Variants in PTCD2 observed in about 807,000 individuals in gnomAD.
PTCD2 encodes the protein pentatricopeptide repeat-containing protein 2, mitochondrial.
Under a neutral mutation model 42.6 loss-of-function variants are expected in PTCD2, and 31 were observed. The observed-to-expected ratio is 0.73, with a 90% CI of 0.55 to 0.98. PTCD2 has a LOEUF of 0.98. PTCD2 is among the 50% of genes least tolerant of loss of function. The pLI, the probability that PTCD2 is intolerant of heterozygous loss-of-function variation, is 0.00. For missense variants in PTCD2, 476 were observed against 454.8 expected, an observed-to-expected ratio of 1.05 and a Z score of -0.42; for synonymous variants, 183 against 170.9, an observed-to-expected ratio of 1.07 and a Z score of -0.55.
chr5:72,332,756 C>T (rs902938004), intron 4 of PTCD2, among the ~76,000 whole-genome samples: 8 of 152,084 alleles, frequency 5.3e-5, no homozygotes, highest in Non-Finnish European at 7.3e-5. Flanking sequence ...TGCTTCTAGC[C>T]GAACTTCTCT....
At chr5:72,326,043 T>A (rs1330938475) in intron 2 of PTCD2, among the ~76,000 whole-genome samples, 1 of 152,166 alleles carries the variant, frequency 6.6e-6, no homozygotes, top group Non-Finnish European at 1.5e-5. Flanking sequence ...TACTTTGGCA[T>A]GCCTTCTAAC....
intron 4 of PTCD2, among the ~76,000 whole-genome samples, chr5:72,334,033 A>G (rs939887244): frequency 6.6e-6 from 1 of 151,720 alleles, no homozygotes; most frequent in Non-Finnish European, 1.5e-5. Flanking sequence ...AATTTTTTAA[A>G]TTTTTATTAT....
chr5:72,327,660 A>G (rs1751219024), intron 3 of PTCD2, among the ~76,000 whole-genome samples: 1 of 151,808 alleles, frequency 6.6e-6, no homozygotes, highest in Non-Finnish European at 1.5e-5. Flanking sequence ...TTTAGTAGAG[A>G]GTGGGTTTTG....
intron 3 of PTCD2, among the ~76,000 whole-genome samples, chr5:72,330,423 T>C (rs1751385455): frequency 6.6e-6 from 1 of 152,180 alleles, no homozygotes; most frequent in Non-Finnish European, 1.5e-5. Flanking sequence ...CCCAAGGTAT[T>C]TTAGATTCAC....
chr5:72,355,883 A>C (rs1177056811), intron 9 of PTCD2, among the ~76,000 whole-genome samples: 1 of 152,128 alleles, frequency 6.6e-6, no homozygotes, highest in Non-Finnish European at 1.5e-5. Context: ...TCCAGGCTGA[A>C]GGCTGAGACA....
At chr5:72,335,921 G>A (rs933822220) in intron 6 of PTCD2, 36 bp downstream of exon 6, 2 of 1,302,616 alleles carry the variant, frequency 1.5e-6, no homozygotes, top group Admixed American at 1.7e-5. Context: ...AGAGCATTGT[G>A]TGTAGTCTTT....
At chr5:72,337,230 C>T (rs1003212740) in intron 6 of PTCD2, among the ~76,000 whole-genome samples, 1 of 152,094 alleles carries the variant, frequency 6.6e-6, no homozygotes, top group African/African-American at 2.4e-5. Context: ...CATGTGATCT[C>T]TGCCCCATAT....
chr5:72,338,527 C>A, intron 6 of PTCD2, 95 bp from the exon 7 acceptor site: 1 of 531,446 alleles, frequency 1.9e-6, no homozygotes. Context: ...TCTAGGAAAT[C>A]CTTACAAAAG....
In PTCD2 at chr5:72,331,502, CA is replaced by C. The variant is rs1434931042; in HGVS notation, c.468+128del. The C allele has an allele frequency of 4.2e-6, 3 of 718,812 alleles. No individual in the cohort carries two copies. In the Admixed American group the frequency reaches 6.1e-5, roughly 15 times the overall value. 44.5% of individuals were successfully genotyped at this position (718,812 alleles called of 1,614,324 possible). ...AGAAAGGCTGCTGGGGCTGAATGAGCACATCTCTGCATTTTTAAGTTTCCTT... is the reference window on the plus strand; with the variant it reads ...AGAAAGGCTGCTGGGGCTGAATGAGCCATCTCTGCATTTTTAAGTTTCCTT... On this transcript the variant is annotated intron_variant, in intron 4 of 9. Coordinates refer to ENST00000380639, the MANE Select transcript of PTCD2 (RefSeq NM_024754.5).
intron 9 of PTCD2, among the ~76,000 whole-genome samples, chr5:72,355,704 A>G (rs537036829): frequency 6.6e-6 from 1 of 152,334 alleles, no homozygotes; most frequent in Admixed American, 6.5e-5. Context: ...TGTATCTCTC[A>G]TAGCATGTAA....
At chr5:72,320,548 G>A in intron 1 of PTCD2, 39 bp downstream of exon 1, 1 of 1,610,756 alleles carries the variant, frequency 6.2e-7, no homozygotes, top group South Asian at 1.1e-5. Context: ...GGGGAGGGAT[G>A]GGAGAGAAGG....
Position 72,320,427 on chromosome 5 carries a change from A to T in PTCD2, c.45A>T (p.Arg15=). ...SMAAAFRPSN[R]VLLQALQILV... ...CTGCTGCATTTCGGCCCTCGAATCG[A>T]GTTCTCCTGCAGGCGCTGCAGATTT... The change falls in exon 1 of 10, where the codon CGA becomes CGT. Residue 15 remains arginine (R), a synonymous_variant. Coordinates refer to ENST00000380639, the MANE Select transcript of PTCD2 (RefSeq NM_024754.5). 6.2e-7 allele frequency: 1 copy of T among 1,613,844 alleles called. No homozygotes were observed. Among genetic ancestry groups the T allele is most frequent in the Non-Finnish European group, 8.5e-7 (1 of 1,179,990 alleles).
rs529128747 is a variant in PTCD2 at position 72,329,085 on chromosome 5, T to C, written c.351-2173T>C. Among the ~76,000 whole-genome samples the C allele has an allele frequency of 3.3e-5, 5 of 152,392 alleles. No individual in the cohort carries two copies. The East Asian group carries it at 9.6e-4, about 29-fold the overall frequency. On this transcript the variant is annotated intron_variant, in intron 3 of 9. Coordinates refer to ENST00000380639, the MANE Select transcript of PTCD2 (RefSeq NM_024754.5). ...CCTCTCATTTTACTACACAAAGCTATTCAATGTTTATAAGAGTAGTAAAAT... is the reference window on the plus strand; with the variant it reads ...CCTCTCATTTTACTACACAAAGCTACTCAATGTTTATAAGAGTAGTAAAAT...
chr5:72,327,924 TTTTG>T (rs1263653295), intron 3 of PTCD2, among the ~76,000 whole-genome samples: 2 of 152,242 alleles, frequency 1.3e-5, no homozygotes, highest in African/African-American at 2.4e-5. Context: ...ATTATGTATT[TTTTG>T]TTTATCTAAA....
rs1751649245 is a variant in PTCD2, at chr5:72,334,955, A to G, written c.469-63A>G. The G allele has an allele frequency of 3.0e-6, 3 of 1,013,196 alleles. No individual in the cohort carries two copies. The East Asian group carries it at 7.2e-5, about 24-fold the overall frequency. The allele number at this position is 1,013,196 out of a possible 1,614,324, so 62.8% of individuals were successfully genotyped here. A position where few individuals can be genotyped will look rare whatever the true frequency, so the allele number is the denominator to read the frequency against. On this transcript the variant is annotated intron_variant, in intron 4 of 9. Coordinates refer to ENST00000380639, the MANE Select transcript of PTCD2 (RefSeq NM_024754.5). ...AAGACCTGGCTAGATAAGAGACAGT[A>G]AAAGTACCTCCTCAATAAATAGTTT...
At chr5:72,341,953 G>A (rs1380154367) in intron 7 of PTCD2, among the ~76,000 whole-genome samples, 2 of 151,982 alleles carry the variant, frequency 1.3e-5, no homozygotes, top group African/African-American at 4.8e-5. Flanking sequence ...GCTGAGGCAG[G>A]AGAATGGCGT....
chr5:72,325,539 C>G (rs1751092057), intron 2 of PTCD2, among the ~76,000 whole-genome samples: 1 of 152,234 alleles, frequency 6.6e-6, no homozygotes, highest in South Asian at 2.1e-4. Context: ...GCTTAGATTT[C>G]AGCCCAGGTC....
chr5:72,344,866 A>T (rs1259941932), intron 8 of PTCD2, among the ~76,000 whole-genome samples: 3 of 152,180 alleles, frequency 2.0e-5, no homozygotes, highest in Admixed American at 6.5e-5. Flanking sequence ...CACAGAGATC[A>T]CGTGCTTCAC....
At chr5:72,334,823 A>G (rs1751642513) in intron 4 of PTCD2, among the ~76,000 whole-genome samples, 195 bp from the exon 5 acceptor site, 1 of 152,192 alleles carries the variant, frequency 6.6e-6, no homozygotes, top group African/African-American at 2.4e-5. Flanking sequence ...TGCTGAGATT[A>G]TAGGCGTGAG....
Sources: allele counts gnomAD v4.1 joint callset (sites outside exome capture counted in the v4.1 genomes callset), GRCh38; gene constraint gnomAD v4.1.1; transcripts MANE v1.5; gene names NCBI Gene and HGNC (gene_info 2026-07-23, HGNC 2026-07-21).